The following WNT2B variants were observed in gnomAD, a reference collection of about 807,000 sequenced individuals.
WNT2B encodes protein Wnt-2b.
WNT2B carries 19 observed loss-of-function variants against 40.5 expected under a neutral mutation model. That is an observed-to-expected ratio of 0.47 (90% CI 0.33 to 0.69). The LOEUF (loss-of-function observed/expected upper bound fraction) is 0.69, where lower values mean the gene tolerates loss of function less well. Ranked by LOEUF, WNT2B falls within the 30% of genes least tolerant of loss-of-function variation. WNT2B has a pLI of 0.02. For missense variants in WNT2B, 467 were observed against 556.4 expected (o/e 0.84, Z 1.62); for synonymous variants, 220 against 211.9 (o/e 1.04, Z -0.33).
At chr1:112,504,447 C>T (rs1166234527), upstream of WNT2B, among the ~76,000 whole-genome samples, 4 of 152,176 alleles carry the variant, frequency 2.6e-5, no homozygotes, top group East Asian at 7.7e-4. Context: ...CCCTCCAAAG[C>T]CCTTTTGGTC....
intron 1 of WNT2B, among the ~76,000 whole-genome samples, chr1:112,482,612 C>A (rs1651261795): frequency 6.6e-6 from 1 of 152,156 alleles, no homozygotes; most frequent in Non-Finnish European, 1.5e-5. Flanking sequence ...GAATTACAGG[C>A]ATGAGCCACC....
intron 1 of WNT2B, among the ~76,000 whole-genome samples, chr1:112,510,335 C>G (rs1652304737): frequency 6.6e-6 from 1 of 152,216 alleles, no homozygotes; most frequent in African/African-American, 2.4e-5. Context: ...TTCTTCCCCA[C>G]CATGGGGAGA....
rs71659361 is a variant in WNT2B, at chr1:112,469,728, C to A, written c.-95+2137C>A. On this transcript the variant is annotated intron_variant, in intron 1 of 4. Coordinates refer to the WNT2B transcript ENST00000256640. ...TCCCAGGTTCAAGCTATTCTCCTGC[C>A]TCAGCTTCCCGAGTAGCTGGGATTA... is the stretch of plus-strand genomic sequence containing the variant. Among the ~76,000 whole-genome samples, 73 of 152,192 alleles carry A rather than the reference C, an allele frequency of 4.8e-4. 1 individual carries two copies. Among genetic ancestry groups the A allele is most frequent in the African/African-American group, 1.7e-3 (70 of 41,528 alleles).
At chr1:112,477,299 A>G (rs1248875468) in intron 1 of WNT2B, among the ~76,000 whole-genome samples, 1 of 152,160 alleles carries the variant, frequency 6.6e-6, no homozygotes, top group East Asian at 1.9e-4. Flanking sequence ...TGTACCCACC[A>G]TGGAGTTGGA....
At chr1:112,482,186 G>A (rs991510314) in intron 1 of WNT2B, among the ~76,000 whole-genome samples, 3 of 151,380 alleles carry the variant, frequency 2.0e-5, no homozygotes, top group Admixed American at 1.3e-4. Context: ...TTAAACGGTG[G>A]TGCATGCCTG....
At position 112,525,849 on chromosome 1, in the gene WNT2B, G is replaced by C. The variant is rs147919324; in HGVS notation, c.*5340G>C. On this transcript the variant is annotated 3_prime_UTR_variant, in exon 5 of 5. Transcript: ENST00000369684. The stretch of plus-strand genomic sequence containing the variant: ...TTTTGACAGCTTCCAAGGGGGGTTT[G>C]CCTAGGAATAACAATATTCATAAGA... 4,714 of 910,676 alleles carry C rather than the reference G, an allele frequency of 5.2e-3. 145 individuals carry two copies. In the African/African-American group the frequency reaches 0.068, roughly 13 times the overall value. The allele number at this position is 910,676 out of a possible 1,614,324, so 56.4% of individuals were successfully genotyped here.
At chr1:112,485,254 A>G (rs1651376673) in intron 1 of WNT2B, among the ~76,000 whole-genome samples, 1 of 152,190 alleles carries the variant, frequency 6.6e-6, no homozygotes, top group Non-Finnish European at 1.5e-5. Flanking sequence ...TGAGGTCAGG[A>G]GTTTGAGACC....
chr1:112,471,800 T>C (rs1049648921), intron 1 of WNT2B, among the ~76,000 whole-genome samples: 4 of 152,220 alleles, frequency 2.6e-5, no homozygotes, highest in African/African-American at 9.7e-5. Context: ...AACACATCTA[T>C]AGAAAATTCA....
At chr1:112,507,526 G>C (rs2101079436), upstream of WNT2B, among the ~76,000 whole-genome samples, 1 of 152,344 alleles carries the variant, frequency 6.6e-6, no homozygotes, top group South Asian at 2.1e-4. Context: ...TGCGGAGTGA[G>C]GGGCGCTAGG....
chr1:112,516,280 G>T lies in WNT2B; in HGVS notation c.544G>T (p.Asp182Tyr), dbSNP rs147459875. 1 of 1,614,130 alleles carries T rather than the reference G, an allele frequency of 6.2e-7. No individual in the cohort carries two copies. Residue 182 changes from aspartate (D) to tyrosine (Y), a missense_variant, in exon 3 of 5, where the codon GAC (aspartate) becomes TAC (tyrosine). Coordinates refer to ENST00000369684, the MANE Select transcript of WNT2B (RefSeq NM_024494.3). The part of the protein sequence containing the change: ...TRGRHHDQRG[D>Y]FDWGGCSDNI... ...TGGCCGACACCATGACCAGCGTGGGGACTTTGACTGGGGTGGCTGCAGTGA... is the reference window on the plus strand; with the variant it reads ...TGGCCGACACCATGACCAGCGTGGGTACTTTGACTGGGGTGGCTGCAGTGA...
intron 1 of WNT2B, 39 bp from the exon 2 acceptor site, chr1:112,514,835 G>C: frequency 4.4e-6 from 7 of 1,604,668 alleles, no homozygotes; most frequent in Non-Finnish European, 6.0e-6. Context: ...TGCAGAAAAA[G>C]GTCTGGGATG....
chr1:112,512,702 C>T (rs1028058063), intron 1 of WNT2B, among the ~76,000 whole-genome samples: 1 of 152,184 alleles, frequency 6.6e-6, no homozygotes, highest in South Asian at 2.1e-4. Flanking sequence ...TCCCTGACAT[C>T]TGAGCTCAGT....
intron 1 of WNT2B, among the ~76,000 whole-genome samples, chr1:112,494,856 A>G (rs1280529371): frequency 1.3e-5 from 2 of 151,574 alleles, no homozygotes; most frequent in African/African-American, 4.9e-5. Context: ...GTAAAACAAA[A>G]ACTTTTCATA....
chr1:112,476,438 A>G (rs1651056064), intron 1 of WNT2B, among the ~76,000 whole-genome samples: 1 of 152,216 alleles, frequency 6.6e-6, no homozygotes, highest in Admixed American at 6.5e-5. Context: ...AAAACAACGA[A>G]TAAACAACTA....
Position 112,528,828 on chromosome 1 carries a change from G to A in WNT2B, c.*8319G>A, listed in dbSNP as rs1258741767. The A allele has an allele frequency of 6.6e-6, 1 of 152,146 alleles. No homozygotes were observed. The highest frequency in any genetic ancestry group is 2.4e-5 in the African/African-American group (1 of 41,438). 9.4% of individuals were successfully genotyped at this position (152,146 alleles called of 1,614,324 possible). A position where few individuals can be genotyped will look rare whatever the true frequency, so the allele number is the denominator to read the frequency against. On this transcript the variant is annotated 3_prime_UTR_variant, in exon 5 of 5. Transcript: ENST00000369684. ...ATCGTATCTGAGGCCATAGTGAATAGAAGAGCTGCAAAAGAGCTTTAGAGA... is the reference window on the plus strand; with the variant it reads ...ATCGTATCTGAGGCCATAGTGAATAAAAGAGCTGCAAAAGAGCTTTAGAGA...
intron 1 of WNT2B, among the ~76,000 whole-genome samples, chr1:112,502,090 T>A (rs1651972248): frequency 6.6e-6 from 1 of 152,212 alleles, no homozygotes; most frequent in Non-Finnish European, 1.5e-5. Context: ...GCTGGGGCCC[T>A]GGCCAGGCCT....
At chr1:112,472,154 G>GC (rs1178647924) in intron 1 of WNT2B, among the ~76,000 whole-genome samples, 3 of 152,148 alleles carry the variant, frequency 2.0e-5, no homozygotes, top group Non-Finnish European at 4.4e-5. Flanking sequence ...TCTTATAATT[G>GC]CCCCCCAACA....
At chr1:112,519,055 C>G (rs763101900) in intron 4 of WNT2B, among the ~76,000 whole-genome samples, 2 of 152,146 alleles carry the variant, frequency 1.3e-5, no homozygotes, top group Non-Finnish European at 2.9e-5. Context: ...CACAGCTCCA[C>G]AGTGTAGAAG....
intron 1 of WNT2B, among the ~76,000 whole-genome samples, chr1:112,475,928 T>C (rs987225482): frequency 6.6e-6 from 1 of 152,126 alleles, no homozygotes; most frequent in Non-Finnish European, 1.5e-5. Flanking sequence ...AGAAATCCAA[T>C]ATAAATATAA....
Sources: allele counts gnomAD v4.1 joint callset (sites outside exome capture counted in the v4.1 genomes callset), GRCh38; gene constraint gnomAD v4.1.1; transcripts MANE v1.5; gene names NCBI Gene and HGNC (gene_info 2026-07-23, HGNC 2026-07-21).